Variants in RYR2 observed in about 807,000 individuals in gnomAD.
The protein encoded by RYR2 is ryanodine receptor 2, also known as cardiac muscle ryanodine receptor-calcium release channel.
In RYR2, 227 loss-of-function variants were observed where a neutral mutation model predicts 601.1. That is an observed-to-expected ratio of 0.38 (90% confidence interval 0.34 to 0.42). The LOEUF (loss-of-function observed/expected upper bound fraction) is 0.42, where lower values mean the gene tolerates loss of function less well. Ranked by LOEUF, RYR2 falls within the 10% of genes least tolerant of loss-of-function variation. The pLI, the probability that RYR2 is intolerant of heterozygous loss-of-function variation, is 1.00. For missense variants in RYR2, 4,646 were observed against 6,156.5 expected (o/e 0.75, Z 8.21); for synonymous variants, 2,223 against 2,175.1 (o/e 1.02, Z -0.61).
intron 78 of RYR2, among the ~76,000 whole-genome samples, chr1:237,732,855 G>T (rs543333189): frequency 2.0e-5 from 3 of 152,216 alleles, no homozygotes; most frequent in African/African-American, 7.2e-5. Context: ...AGCCTGTTTT[G>T]CCCCCAGGCC....
chr1:237,132,712 T>TA (rs1672293154), intron 1 of RYR2, among the ~76,000 whole-genome samples: 4 of 152,164 alleles, frequency 2.6e-5, no homozygotes, highest in Non-Finnish European at 4.4e-5. Flanking sequence ...AAGTATTTTT[T>TA]ATCAGGAAAA....
chr1:237,763,948 C>A (rs924533263), intron 84 of RYR2, among the ~76,000 whole-genome samples: 1 of 152,178 alleles, frequency 6.6e-6, no homozygotes, highest in African/African-American at 2.4e-5. Flanking sequence ...ATAGAAAAGG[C>A]TGAAAAAGCA....
chr1:237,518,895 C>T (rs1263057463), intron 24 of RYR2, among the ~76,000 whole-genome samples: 1 of 152,158 alleles, frequency 6.6e-6, no homozygotes, highest in East Asian at 1.9e-4. Context: ...ATAAGAGTTC[C>T]CTTTTCTCTG....
At chr1:237,793,837 A>T in intron 94 of RYR2, 30 bp from the exon 95 acceptor site, 6 of 1,540,546 alleles carry the variant, frequency 3.9e-6, no homozygotes, top group Non-Finnish European at 4.5e-6. Context: ...AATCTAAACT[A>T]ATTTTAACGT....
intron 63 of RYR2, among the ~76,000 whole-genome samples, chr1:237,689,558 C>A (rs2148978686): frequency 6.6e-6 from 1 of 152,184 alleles, no homozygotes; most frequent in South Asian, 2.1e-4. Flanking sequence ...AAAACTAGAC[C>A]TTAACATTAG....
rs1705767787 is a variant in RYR2 at position 237,423,167 on chromosome 1, C to T, written c.924C>T (p.Leu308=). Residue 308 remains leucine, a synonymous_variant, in exon 12 of 105, where the codon CTC becomes CTT. Coordinates refer to ENST00000366574, the MANE Select transcript of RYR2 (RefSeq NM_001035.3). ...TCACAACAGGAAAATACTTGAGTCT[C>T]ATGGAAGACAAAAACCTTCTACTCA... The part of the protein sequence containing the change: ...RHVTTGKYLS[L]MEDKNLLLMD... The T allele has an allele frequency of 6.2e-7, 1 of 1,613,792 alleles. No individual in the cohort carries two copies. Among genetic ancestry groups the T allele is most frequent in the Non-Finnish European group, 8.5e-7 (1 of 1,179,820 alleles).
intron 1 of RYR2, among the ~76,000 whole-genome samples, chr1:237,114,110 G>A (rs542562865): frequency 1.3e-5 from 2 of 152,210 alleles, no homozygotes; most frequent in African/African-American, 2.4e-5. Flanking sequence ...AATCCAACTG[G>A]TATAAGTTTA....
At chr1:237,556,443 T>C (rs1292596588) in intron 27 of RYR2, among the ~76,000 whole-genome samples, 1 of 150,116 alleles carries the variant, frequency 6.7e-6, no homozygotes, top group Non-Finnish European at 1.5e-5. Context: ...TGGGACTACA[T>C]GCGCCTGCCA....
intron 80 of RYR2, among the ~76,000 whole-genome samples, chr1:237,754,336 A>G (rs1337751158): frequency 1.2e-4 from 19 of 152,070 alleles, no homozygotes; most frequent in Admixed American, 1.2e-3. Context: ...GATTTCAGTT[A>G]GGTTACCGGG....
chr1:237,792,628 G>A (rs1658595402), intron 94 of RYR2, among the ~76,000 whole-genome samples: 2 of 152,134 alleles, frequency 1.3e-5, no homozygotes, highest in Non-Finnish European at 2.9e-5. Flanking sequence ...CTGGCCTGGG[G>A]CATTGGAGCC....
At chr1:237,394,367 A>T (rs1034896342) in intron 10 of RYR2, among the ~76,000 whole-genome samples, 1 of 152,228 alleles carries the variant, frequency 6.6e-6, no homozygotes, top group Non-Finnish European at 1.5e-5. Flanking sequence ...ATCTCAAAAC[A>T]TACCTATTTT....
At chr1:237,257,978 A>G (rs1688152926) in intron 1 of RYR2, among the ~76,000 whole-genome samples, 1 of 151,994 alleles carries the variant, frequency 6.6e-6, no homozygotes, top group Admixed American at 6.6e-5. Flanking sequence ...AGCCTGGCCA[A>G]CATGGTGAAA....
chr1:237,314,103 T>A (rs1694868457), intron 2 of RYR2, among the ~76,000 whole-genome samples: 1 of 149,302 alleles, frequency 6.7e-6, no homozygotes, highest in Non-Finnish European at 1.5e-5. Flanking sequence ...CTTGCTCTGT[T>A]GCCCAGGCTG....
intron 1 of RYR2, among the ~76,000 whole-genome samples, chr1:237,091,961 A>T (rs893634564): frequency 6.6e-6 from 1 of 152,182 alleles, no homozygotes; most frequent in Non-Finnish European, 1.5e-5. Context: ...TCAACAGGGG[A>T]TGGGTTAAAA....
At chr1:237,628,718 G>C (rs545560578) in intron 41 of RYR2, among the ~76,000 whole-genome samples, 2 of 151,766 alleles carry the variant, frequency 1.3e-5, no homozygotes, top group African/African-American at 4.8e-5. Context: ...TCATAGTAAT[G>C]TACAATAATA....
chr1:237,513,687 T>C (rs1210441006), intron 24 of RYR2, among the ~76,000 whole-genome samples: 1 of 152,240 alleles, frequency 6.6e-6, no homozygotes, highest in Non-Finnish European at 1.5e-5. Flanking sequence ...TACAGTTGTC[T>C]ACAGTATTTG....
intron 2 of RYR2, among the ~76,000 whole-genome samples, chr1:237,304,561 C>T (rs772251325): frequency 2.8e-4 from 43 of 152,152 alleles, no homozygotes; most frequent in Non-Finnish European, 5.3e-4. Flanking sequence ...TGTTGTTATG[C>T]GTCCTCAAGC....
chr1:237,366,492 C>T (rs2149738001), intron 5 of RYR2, among the ~76,000 whole-genome samples: 1 of 152,138 alleles, frequency 6.6e-6, no homozygotes, highest in Admixed American at 6.5e-5. Flanking sequence ...ACCTGGAACT[C>T]CTGGGCTCCA....
chr1:237,518,749 G>T (rs2147839473), intron 24 of RYR2, among the ~76,000 whole-genome samples: 1 of 152,260 alleles, frequency 6.6e-6, no homozygotes, highest in African/African-American at 2.4e-5. Flanking sequence ...TTGATATATG[G>T]ATTTCTTTTC....
Sources: gnomAD v4.1 joint callset for allele counts (sites outside exome capture counted in the v4.1 genomes callset) on GRCh38, gnomAD v4.1.1 for gene constraint, MANE v1.5 for transcripts, NCBI Gene and HGNC (gene_info 2026-07-23, HGNC 2026-07-21) for gene names.